Variants in RPTOR observed in about 807,000 individuals in gnomAD.
RPTOR encodes regulatory-associated protein of mTOR.
Under a neutral mutation model 169.9 loss-of-function variants are expected in RPTOR, and 21 were observed. The observed-to-expected ratio is 0.12, with a 90% confidence interval of 0.09 to 0.18. RPTOR has a LOEUF of 0.18. RPTOR is among the 10% of genes least tolerant of loss of function. RPTOR has a pLI of 1.00. For missense variants in RPTOR, 1,133 were observed against 1,855.9 expected (o/e 0.61, Z 7.16); for synonymous variants, 732 against 753.2 (o/e 0.97, Z 0.46).
chr17:80,652,277 C>T (rs751388734), intron 3 of RPTOR, among the ~76,000 whole-genome samples: 4 of 152,188 alleles, frequency 2.6e-5, no homozygotes, highest in Non-Finnish European at 4.4e-5. Context: ...ACTTTTCTTA[C>T]CCCAAAGGGA....
rs374503221 is a variant in RPTOR, at chr17:80,841,199, G to A, written c.1212+3202G>A. 5.6e-4 allele frequency among the ~76,000 whole-genome samples: 19 copies of A among 33,834 alleles called. 1 individual carries two copies. The highest frequency in any genetic ancestry group is 9.9e-4 in the Non-Finnish European group (14 of 14,196). 22.2% of individuals were successfully genotyped at this position (33,834 alleles called of 152,430 possible). A position where few individuals can be genotyped will look rare whatever the true frequency, so the allele number is the denominator to read the frequency against. On this transcript the variant is annotated intron_variant, in intron 10 of 33. Transcript: ENST00000306801. ...GCACGGCAGCTCACACTCACCGCAC[G>A]GCAGCTCACTCTCACCGCACGGCAG...
intron 7 of RPTOR, among the ~76,000 whole-genome samples, chr17:80,814,646 G>A (rs1397681914): frequency 6.6e-6 from 1 of 152,160 alleles, no homozygotes; most frequent in African/African-American, 2.4e-5. Context: ...TATGTATGCG[G>A]CACCTGTTCT....
chr17:80,944,842 T>G (rs2069078560), intron 25 of RPTOR, among the ~76,000 whole-genome samples: 1 of 151,902 alleles, frequency 6.6e-6, no homozygotes, highest in Non-Finnish European at 1.5e-5. Context: ...AATACAAAAA[T>G]TAGCTGGGCG....
chr17:80,789,848 T>C (rs1158162167), intron 6 of RPTOR, among the ~76,000 whole-genome samples: 1 of 152,258 alleles, frequency 6.6e-6, no homozygotes, highest in Non-Finnish European at 1.5e-5. Flanking sequence ...GGCTTTTTAA[T>C]ATTTTGTCCA....
At chr17:80,729,864 G>A (rs554110171) in intron 4 of RPTOR, among the ~76,000 whole-genome samples, 11 of 152,348 alleles carry the variant, frequency 7.2e-5, no homozygotes, top group African/African-American at 2.4e-4. Flanking sequence ...AGGCCCCGCG[G>A]CGGGAACTGA....
intron 9 of RPTOR, among the ~76,000 whole-genome samples, chr17:80,828,816 A>G (rs1178520770): frequency 6.6e-6 from 1 of 152,168 alleles, no homozygotes; most frequent in Non-Finnish European, 1.5e-5. Context: ...TCTACTACCT[A>G]ACAGAATAGG....
intron 1 of RPTOR, among the ~76,000 whole-genome samples, chr17:80,611,780 A>C (rs1464085203): frequency 1.3e-5 from 2 of 151,850 alleles, no homozygotes; most frequent in African/African-American, 4.8e-5. Flanking sequence ...AAAAAAAACA[A>C]AATCTACTCA....
rs1459941632 is a variant in RPTOR at position 80,707,620 on chromosome 17, G to A, written c.349-221G>A. On this transcript the variant is annotated intron_variant, in intron 3 of 33. Transcript: ENST00000306801. The surrounding 1 kb of genome is among the most constrained non-coding windows in gnomAD (Gnocchi z 5.0). The stretch of plus-strand genomic sequence containing the variant: ...CTGCCCAGGCTGATCTTGAGCTCCC[G>A]GGCTCAACCAGTTCTCCCACCTTGG... 6.6e-6 allele frequency among the ~76,000 whole-genome samples: 1 copy of A among 151,794 alleles called. No homozygotes were observed. The highest frequency in any genetic ancestry group is 1.5e-5 in the Non-Finnish European group (1 of 67,994).
chr17:80,644,751 AT>A (rs1422144022), intron 3 of RPTOR, among the ~76,000 whole-genome samples: 1 of 152,218 alleles, frequency 6.6e-6, no homozygotes, highest in Non-Finnish European at 1.5e-5. Flanking sequence ...CATTATTTAC[AT>A]TCTTAGAGTA....
At chr17:80,903,378 C>T (rs1291492787) in intron 20 of RPTOR, among the ~76,000 whole-genome samples, 1 of 152,230 alleles carries the variant, frequency 6.6e-6, no homozygotes, top group Non-Finnish European at 1.5e-5. Context: ...AGCCCGGAGA[C>T]CCGAGCCCAG....
chr17:80,814,217 A>T (rs80046174), intron 7 of RPTOR, among the ~76,000 whole-genome samples: 3 of 152,138 alleles, frequency 2.0e-5, no homozygotes, highest in Non-Finnish European at 4.4e-5. Context: ...CTTCTTATTT[A>T]AAAAAAGGGG....
At chr17:80,810,358 C>A (rs891992908) in intron 7 of RPTOR, among the ~76,000 whole-genome samples, 7 of 152,072 alleles carry the variant, frequency 4.6e-5, no homozygotes, top group Non-Finnish European at 7.4e-5. Flanking sequence ...TCATTATTTT[C>A]CATATAGATA....
At chr17:80,813,880 T>A (rs974167549) in intron 7 of RPTOR, among the ~76,000 whole-genome samples, 1 of 152,240 alleles carries the variant, frequency 6.6e-6, no homozygotes, top group Non-Finnish European at 1.5e-5. Flanking sequence ...ATGCCTGTAA[T>A]CCCAGCAGTT....
Position 80,902,681 on chromosome 17 carries a change from G to A in RPTOR, c.2402-6130G>A, listed in dbSNP as rs140194557. Among the ~76,000 whole-genome samples, 756 of 152,330 alleles carry A rather than the reference G, an allele frequency of 5.0e-3. 14 individuals carry two copies. The highest frequency in any genetic ancestry group is 0.032 in the Admixed American group (486 of 15,302). On this transcript the variant is annotated intron_variant, in intron 20 of 33. Transcript: ENST00000306801. The stretch of plus-strand genomic sequence containing the variant: ...GAAGGATGGCTGGAGACGGTCTGTG[G>A]CCTGTGTCCACATGTCCCGGGACCC...
intron 3 of RPTOR, among the ~76,000 whole-genome samples, chr17:80,692,940 G>A (rs757943156): frequency 5.9e-5 from 9 of 152,182 alleles, no homozygotes; most frequent in Non-Finnish European, 1.2e-4. Context: ...AATAATATGT[G>A]TACCACATGT....
Position 80,545,717 on chromosome 17 carries a change from T to C in RPTOR, c.88T>C (p.Phe30Leu). ...TACAGACTGGAACCTACCTTTGGCT[T>C]TTATGAAAAAGAGGCACTGTGAGAA... The part of the protein sequence containing the change: ...DLTDWNLPLA[F>L]MKKRHCEKIE... Residue 30 changes from phenylalanine to leucine, a missense_variant, in exon 1 of 34, where the codon TTT (phenylalanine) becomes CTT (leucine). This residue lies in a region of RPTOR where 47 missense variants were observed against 59.5 expected (regional missense o/e 0.79). Coordinates refer to ENST00000306801, the MANE Select transcript of RPTOR (RefSeq NM_020761.3). 1.9e-6 allele frequency: 3 copies of C among 1,613,844 alleles called. No individual in the cohort carries two copies. The highest frequency in any genetic ancestry group is 2.5e-6 in the Non-Finnish European group (3 of 1,179,864).
At chr17:80,610,947 T>A (rs2065266087) in intron 1 of RPTOR, among the ~76,000 whole-genome samples, 1 of 152,214 alleles carries the variant, frequency 6.6e-6, no homozygotes, top group South Asian at 2.1e-4. Flanking sequence ...GCAGTCTGTT[T>A]AATATAATGG....
rs1320421468 is a variant in RPTOR at position 80,592,954 on chromosome 17, A to G, written c.163-32737A>G. 3.9e-5 allele frequency among the ~76,000 whole-genome samples: 6 copies of G among 152,194 alleles called. No individual in the cohort carries two copies. The East Asian group carries it at 1.2e-3, about 29-fold the overall frequency. On this transcript the variant is annotated intron_variant, in intron 1 of 33. Coordinates refer to ENST00000306801, the MANE Select transcript of RPTOR (RefSeq NM_020761.3). ...CCCAGTTGACCCAGTCGTTGCATCC[A>G]TGATAGCCTCATAACTGGCCGCAAA...
At chr17:80,850,124 C>T (rs979306416) in intron 11 of RPTOR, among the ~76,000 whole-genome samples, 2 of 152,148 alleles carry the variant, frequency 1.3e-5, no homozygotes, top group Non-Finnish European at 2.9e-5. Context: ...GCATGCACTG[C>T]GTAGTGGTGA....
Sources: gnomAD v4.1 joint callset for allele counts (sites outside exome capture counted in the v4.1 genomes callset) on GRCh38, gnomAD v4.1.1 for gene constraint, gnomAD v4.1.1 regional missense constraint, Gnocchi (gnomAD v3.1) non-coding constraint, MANE v1.5 for transcripts, NCBI Gene and HGNC (gene_info 2026-07-23, HGNC 2026-07-21) for gene names.